Variants in RASA3 observed in about 807,000 individuals in gnomAD.
RASA3 encodes the protein RAS p21 protein activator 3.
In RASA3, 73 loss-of-function variants were observed where a neutral mutation model predicts 110.0. That is an observed-to-expected ratio of 0.66 (90% CI 0.55 to 0.81). RASA3 has a LOEUF of 0.81. RASA3 is among the 30% of genes least tolerant of loss of function. RASA3 has a pLI of 0.00. For missense variants in RASA3, 976 were observed against 1,113.2 expected (o/e 0.88, Z 1.75); for synonymous variants, 500 against 451.4 (o/e 1.11, Z -1.37).
chr13:114,070,836 G>A (rs961304354), intron 2 of RASA3, among the ~76,000 whole-genome samples: 4 of 137,684 alleles, frequency 2.9e-5, no homozygotes, highest in African/African-American at 1.1e-4. Flanking sequence ...GGCTGCCGGC[G>A]TCCACGCTAA....
At chr13:114,131,180 C>T (rs559830496) in intron 1 of RASA3, among the ~76,000 whole-genome samples, 3 of 152,304 alleles carry the variant, frequency 2.0e-5, no homozygotes, top group South Asian at 2.1e-4. Context: ...GGAAACAGCC[C>T]GCTGGTTTAG....
intron 18 of RASA3, 139 bp from the exon 19 acceptor site, chr13:114,001,071 G>A: frequency 3.1e-6 from 2 of 640,658 alleles, no homozygotes; most frequent in South Asian, 3.6e-5. Flanking sequence ...TTTACTCCGA[G>A]TGATGAGATT....
chr13:114,054,474 G>A (rs1409969347), intron 2 of RASA3, among the ~76,000 whole-genome samples: 1 of 152,192 alleles, frequency 6.6e-6, no homozygotes, highest in Non-Finnish European at 1.5e-5. Flanking sequence ...GGTGGGAGGG[G>A]CCCAGAGTCC....
chr13:114,063,655 C>T (rs1211958873), intron 2 of RASA3, among the ~76,000 whole-genome samples: 3 of 152,186 alleles, frequency 2.0e-5, no homozygotes, highest in African/African-American at 7.2e-5. Flanking sequence ...GCCATGTGCA[C>T]GCTGTGTGGT....
At chr13:114,036,392 C>T (rs932804045) in intron 4 of RASA3, among the ~76,000 whole-genome samples, 5 of 152,228 alleles carry the variant, frequency 3.3e-5, no homozygotes, top group South Asian at 2.1e-4. Flanking sequence ...ACTCGCTGTC[C>T]GGACACAGGA....
rs2079620722 is a variant in RASA3 at position 114,073,817 on chromosome 13, AG to A, written c.75del (p.Ser26LeufsTer8). 6.2e-7 allele frequency: 1 copy of A among 1,613,990 alleles called. No individual in the cohort carries two copies. ...CTCATCTTGCTCGGCCCCGGGTAAG[AG>A]GGAAGGTTTTTGGCTTCACCTAAAA... Reference protein sequence around the residue: ...KIKIGEAKNLPSYPGPSKMRD... With the variant: ...KIKIGEAKNLXSYPGPSKMRD... On this transcript the variant is annotated frameshift_variant, in exon 2 of 24. Coordinates refer to ENST00000334062, the MANE Select transcript of RASA3 (RefSeq NM_007368.4). LOFTEE classifies it high-confidence loss of function.
In RASA3 at chr13:113,995,214, G is replaced by A. The variant is rs113613710; in HGVS notation, c.2141+1317C>T. Among the ~76,000 whole-genome samples, 415 of 152,354 alleles carry A rather than the reference G, an allele frequency of 2.7e-3. 1 individual carries two copies. Among genetic ancestry groups the A allele is most frequent in the Non-Finnish European group, 3.5e-3 (241 of 68,030 alleles). On this transcript the variant is annotated intron_variant, in intron 21 of 23. Coordinates refer to ENST00000334062, the MANE Select transcript of RASA3 (RefSeq NM_007368.4). ...GTCGGCTGCGGGTGGGGACAGGCCA[G>A]GTTTTCTCTCCTCGTCAGGCTGCAA...
intron 4 of RASA3, 132 bp from the exon 5 acceptor site, chr13:114,030,019 T>C: frequency 2.7e-6 from 2 of 743,500 alleles, no homozygotes; most frequent in Non-Finnish European, 4.6e-6. Flanking sequence ...AATGGGCACG[T>C]CCAGCCCCTC....
intron 20 of RASA3, among the ~76,000 whole-genome samples, chr13:113,997,400 G>A (rs1481387469): frequency 6.6e-6 from 1 of 152,188 alleles, no homozygotes; most frequent in Non-Finnish European, 1.5e-5. Flanking sequence ...GAGGGCAGGT[G>A]TCAGCAGAAG....
At chr13:114,004,599 G>C (rs1193488065) in intron 18 of RASA3, among the ~76,000 whole-genome samples, 2 of 152,138 alleles carry the variant, frequency 1.3e-5, no homozygotes, top group Admixed American at 6.5e-5. Context: ...CCCAGCTCAC[G>C]CCGGGCAGAA....
chr13:114,031,115 T>TTGTG (rs140096037), intron 4 of RASA3, among the ~76,000 whole-genome samples: 104,955 of 150,242 alleles, frequency 0.7, 37,240 homozygotes, highest in African/African-American at 0.85. Context: ...GTGTATCTGC[T>TTGTG]TGTATGTGTC....
At position 114,112,815 on chromosome 13, in the gene RASA3, A is replaced by G. The variant is rs2080236143; in HGVS notation, c.55+19620T>C. ...GAGGCAGAGGCACCGCTGTGGGCTCATCTCTCAGCTCAAAGGGTTTCCAAG... is the reference window on the plus strand; with the variant it reads ...GAGGCAGAGGCACCGCTGTGGGCTCGTCTCTCAGCTCAAAGGGTTTCCAAG... On this transcript the variant is annotated intron_variant, in intron 1 of 23. Coordinates refer to ENST00000334062, the MANE Select transcript of RASA3 (RefSeq NM_007368.4). The surrounding 1 kb of genome is among the most constrained non-coding windows in gnomAD (Gnocchi z 4.8). 6.6e-6 allele frequency among the ~76,000 whole-genome samples: 1 copy of G among 152,160 alleles called. No homozygotes were observed. The highest frequency in any genetic ancestry group is 2.1e-4 in the South Asian group (1 of 4,822).
intron 21 of RASA3, among the ~76,000 whole-genome samples, chr13:113,993,806 T>TAAAAA (rs35450759): frequency 6.4e-3 from 548 of 85,012 alleles, no homozygotes; most frequent in Non-Finnish European, 9.4e-3. Flanking sequence ...AGACTCTGCC[T>TAAAAA]AAAAAAAAAA....
intron 2 of RASA3, among the ~76,000 whole-genome samples, chr13:114,059,927 G>GA (rs1374787914): frequency 2.6e-5 from 4 of 152,236 alleles, no homozygotes; most frequent in African/African-American, 9.6e-5. Context: ...ACAGAACCAC[G>GA]AATGTCCAAC....
intron 4 of RASA3, among the ~76,000 whole-genome samples, chr13:114,038,744 T>A (rs149027833): frequency 7.9e-5 from 12 of 152,038 alleles, no homozygotes; most frequent in African/African-American, 2.7e-4. Context: ...GGACGAGGGT[T>A]CCCGAGGGAT....
intron 1 of RASA3, among the ~76,000 whole-genome samples, chr13:114,077,585 G>A (rs1226268507): frequency 2.8e-5 from 3 of 108,510 alleles, no homozygotes; most frequent in Admixed American, 1.0e-4. Context: ...CCAATGCACC[G>A]GATTCATCCT....
rs1012243065 is a variant in RASA3, at chr13:114,014,073, C to T, written c.1406-825G>A. Among the ~76,000 whole-genome samples, 5 of 139,724 alleles carry T rather than the reference C, an allele frequency of 3.6e-5. No homozygotes were observed. Among genetic ancestry groups the T allele is most frequent in the African/African-American group, 1.3e-4 (5 of 37,680 alleles). The allele number at this position is 139,724 out of a possible 152,430, so 91.7% of individuals were successfully genotyped here. Reference sequence around the variant, plus strand: ...CTCCGTCTGTCTCTGCCTCTCTCTCCGTCTGTCTCTGCCTCTCTCTCCGTC... The same window carrying T: ...CTCCGTCTGTCTCTGCCTCTCTCTCTGTCTGTCTCTGCCTCTCTCTCCGTC... On this transcript the variant is annotated intron_variant, in intron 14 of 23. Transcript: ENST00000334062. This position sits in a 1 kb window ranked among gnomAD's most constrained non-coding sequence, Gnocchi z 4.5.
At chr13:114,008,050 CTGTGGGGAGGAG>C (rs1308814697) in intron 17 of RASA3, among the ~76,000 whole-genome samples, 10 of 2,038 alleles carry the variant, frequency 4.9e-3, no homozygotes, top group South Asian at 0.045. Context: ...GCGTTCCTGA[CTGTGGGGAGGAG>C]CAGAGCCCTG....
intron 2 of RASA3, among the ~76,000 whole-genome samples, chr13:114,071,474 C>T (rs192980997): frequency 6.6e-6 from 1 of 152,342 alleles, no homozygotes; most frequent in East Asian, 1.9e-4. Context: ...CCATAGGCCT[C>T]TAACAACAGA....
Sources: gnomAD v4.1 joint callset for allele counts (sites outside exome capture counted in the v4.1 genomes callset) on GRCh38, gnomAD v4.1.1 for gene constraint, Gnocchi (gnomAD v3.1) non-coding constraint, MANE v1.5 for transcripts, NCBI Gene and HGNC (gene_info 2026-07-23, HGNC 2026-07-21) for gene names.